NAALADL2: variants seen among roughly 807,000 people sequenced by gnomAD.
The protein encoded by NAALADL2 is N-acetylated alpha-linked acidic dipeptidase like 2.
NAALADL2 carries 76 observed loss-of-function variants against 87.2 expected under a neutral mutation model. The observed-to-expected ratio is 0.87, with a 90% CI of 0.72 to 1.05. NAALADL2 has a LOEUF of 1.05. Ranked by LOEUF, NAALADL2 falls within the 50% of genes least tolerant of loss-of-function variation. The probability of loss-of-function intolerance (pLI) is 0.00; values close to 1 mark genes in which losing one functional copy is unlikely to be tolerated. For synonymous variants in NAALADL2, 354 were observed against 331.0 expected (o/e 1.07, Z -0.75); for missense variants, 1,089 against 945.8 (o/e 1.15, Z -1.99).
chr3:175,492,667 A>G (rs1728270940), intron 9 of NAALADL2, among the ~76,000 whole-genome samples: 1 of 152,166 alleles, frequency 6.6e-6, no homozygotes, highest in Non-Finnish European at 1.5e-5. Flanking sequence ...ATACAAGTGA[A>G]TTACTAAAGC....
chr3:175,419,744 G>A lies in NAALADL2; in HGVS notation c.1091-27485G>A, dbSNP rs183676000. On this transcript the variant is annotated intron_variant, in intron 5 of 13. Coordinates refer to ENST00000454872, the MANE Select transcript of NAALADL2 (RefSeq NM_207015.3). ...ATTTAAGAAATTTCTGCTGAGTCTG[G>A]AATATAGAAAAAAAGTGAGAAGAGT... Among the ~76,000 whole-genome samples the A allele has an allele frequency of 2.4e-4, 37 of 151,956 alleles. No individual in the cohort carries two copies. In the East Asian group the frequency reaches 6.4e-3, roughly 26 times the overall value.
At chr3:175,714,828 T>C (rs1741015383) in intron 11 of NAALADL2, among the ~76,000 whole-genome samples, 2 of 152,102 alleles carry the variant, frequency 1.3e-5, no homozygotes, top group East Asian at 3.9e-4. Context: ...TGGCTAGCCA[T>C]GTTCAAAAAA....
In NAALADL2 at chr3:174,849,599, G is replaced by A. The variant is rs567620128; in HGVS notation, c.-9+111853G>A. Among the ~76,000 whole-genome samples, 550 of 152,044 alleles carry A rather than the reference G, an allele frequency of 3.6e-3. 3 individuals are homozygous for A. The highest frequency in any genetic ancestry group is 0.02 in the Middle Eastern group (6 of 294). ...AAAATACAAAAATTAGCTGGACATG[G>A]TGGCGGGTGCCTGTAATCCCAGCCA... On this transcript the variant is annotated intron_variant, in intron 3 of 3. Transcript: ENST00000434257.
At chr3:174,493,493 T>A (rs1260692152) in intron 1 of NAALADL2, among the ~76,000 whole-genome samples, 1 of 152,220 alleles carries the variant, frequency 6.6e-6, no homozygotes, top group African/African-American at 2.4e-5. Flanking sequence ...GGAACCACGC[T>A]GATAATAGAC....
At position 175,806,689 on chromosome 3, in the gene NAALADL2, CCTTTTTTTTTT is replaced by C. The variant is rs1486655098; in HGVS notation, c.*3487_*3497del. 2 of 125,300 alleles carry C rather than the reference CCTTTTTTTTTT, an allele frequency of 1.6e-5. No individual in the cohort carries two copies. The highest frequency in any genetic ancestry group is 3.2e-5 in the Non-Finnish European group (2 of 61,966). 7.8% of individuals were successfully genotyped at this position (125,300 alleles called of 1,614,324 possible). ...GTGTTTTAGAATTTTTCCCATGTAT[CCTTTTTTTTTT>C]TTTTTTTTTTTTTTAATTCCCACAA... On this transcript the variant is annotated 3_prime_UTR_variant, in exon 14 of 14. Coordinates refer to ENST00000454872, the MANE Select transcript of NAALADL2 (RefSeq NM_207015.3).
rs140082057 is a variant in NAALADL2, at chr3:174,597,958, A to G, written c.-115+47321A>G. Among the ~76,000 whole-genome samples, 659 of 152,106 alleles carry G rather than the reference A, an allele frequency of 4.3e-3. 6 individuals are homozygous for G. The highest frequency in any genetic ancestry group is 0.015 in the African/African-American group (615 of 41,502). Reference sequence around the variant, plus strand: ...TAGCACTTATCACTTTCTCTCTTGTATTGTAGATTTTTTCTGTACATGTCT... The same window carrying G: ...TAGCACTTATCACTTTCTCTCTTGTGTTGTAGATTTTTTCTGTACATGTCT... On this transcript the variant is annotated intron_variant, in intron 2 of 3. Transcript: ENST00000434257.
At chr3:175,418,585 T>C (rs533883188) in intron 5 of NAALADL2, among the ~76,000 whole-genome samples, 4 of 152,230 alleles carry the variant, frequency 2.6e-5, no homozygotes, top group African/African-American at 9.6e-5. Context: ...TAATGTAGCC[T>C]AGGTGGTTCA....
intron 11 of NAALADL2, among the ~76,000 whole-genome samples, chr3:175,723,592 T>G (rs572331279): frequency 1.3e-5 from 2 of 152,282 alleles, no homozygotes; most frequent in African/African-American, 4.8e-5. Flanking sequence ...GCTTAAGCCT[T>G]TCTCCAGGTT....
At chr3:174,951,004 A>T (rs1740260472) in intron 1 of NAALADL2, among the ~76,000 whole-genome samples, 1 of 152,088 alleles carries the variant, frequency 6.6e-6, no homozygotes, top group Non-Finnish European at 1.5e-5. Flanking sequence ...GGACAGAAGG[A>T]TGTGCTGGTG....
chr3:174,928,724 G>C (rs1736449156), intron 1 of NAALADL2, among the ~76,000 whole-genome samples: 2 of 152,148 alleles, frequency 1.3e-5, no homozygotes, highest in Admixed American at 6.6e-5. Context: ...TTAAATTACA[G>C]TATTCATAGC....
chr3:174,692,615 T>A (rs1000288198), intron 2 of NAALADL2, among the ~76,000 whole-genome samples: 3 of 152,112 alleles, frequency 2.0e-5, no homozygotes, highest in African/African-American at 7.2e-5. Flanking sequence ...GATATATTTC[T>A]GAGATACTAA....
intron 2 of NAALADL2, among the ~76,000 whole-genome samples, chr3:175,141,264 C>T (rs9846028): frequency 0.089 from 13,602 of 152,004 alleles, 1,923 homozygotes; most frequent in African/African-American, 0.3. Context: ...GTGTTATCAA[C>T]CTGAGAATGT....
chr3:175,626,058 A>C (rs1476262891), intron 10 of NAALADL2, among the ~76,000 whole-genome samples: 1 of 151,820 alleles, frequency 6.6e-6, no homozygotes, highest in African/African-American at 2.4e-5. Context: ...AGTTTGGTTA[A>C]CTCACTCTAG....
chr3:175,665,507 G>A (rs1354230148), intron 11 of NAALADL2, among the ~76,000 whole-genome samples: 1 of 152,062 alleles, frequency 6.6e-6, no homozygotes, highest in African/African-American at 2.4e-5. Context: ...TCTCTGTATT[G>A]TTTCTGCATT....
chr3:175,214,485 G>C (rs139218135), intron 2 of NAALADL2, among the ~76,000 whole-genome samples: 67 of 152,242 alleles, frequency 4.4e-4, no homozygotes, highest in African/African-American at 1.5e-3. Flanking sequence ...GTCAGTTACT[G>C]ATTTGATTTT....
intron 5 of NAALADL2, among the ~76,000 whole-genome samples, chr3:175,443,356 A>G (rs1296804770): frequency 6.6e-6 from 1 of 152,236 alleles, no homozygotes; most frequent in Admixed American, 6.5e-5. Context: ...AGAGCATTCT[A>G]GAGAAAAATG....
intron 2 of NAALADL2, among the ~76,000 whole-genome samples, chr3:175,189,640 A>G (rs1353604332): frequency 1.3e-5 from 2 of 152,208 alleles, no homozygotes; most frequent in East Asian, 1.9e-4. Flanking sequence ...TGTGCTTACT[A>G]TCCGAGACAA....
At chr3:175,145,546 A>C (rs1162915129) in intron 2 of NAALADL2, among the ~76,000 whole-genome samples, 1 of 152,032 alleles carries the variant, frequency 6.6e-6, no homozygotes, top group Non-Finnish European at 1.5e-5. Flanking sequence ...ACCTTTCTTA[A>C]GCCTAGATTT....
intron 5 of NAALADL2, among the ~76,000 whole-genome samples, chr3:175,341,742 T>C (rs1762587171): frequency 2.0e-5 from 3 of 152,286 alleles, no homozygotes; most frequent in Non-Finnish European, 2.9e-5. Flanking sequence ...GTGATTTTTA[T>C]TTTGTTGCCT....
Sources: allele counts gnomAD v4.1 joint callset (sites outside exome capture counted in the v4.1 genomes callset), GRCh38; gene constraint gnomAD v4.1.1; transcripts MANE v1.5; gene names NCBI Gene and HGNC (gene_info 2026-07-23, HGNC 2026-07-21).